The following ATP11C variants were observed in gnomAD, a reference collection of about 807,000 sequenced individuals.
ATP11C encodes phospholipid-transporting ATPase IG.
ATP11C carries 36 observed loss-of-function variants against 97.4 expected under a neutral mutation model. That is an observed-to-expected ratio of 0.37 (90% CI 0.28 to 0.49). The LOEUF (loss-of-function observed/expected upper bound fraction) is 0.49, where lower values mean the gene tolerates loss of function less well. ATP11C is among the 20% of genes least tolerant of loss of function. ATP11C has a pLI of 0.98. For synonymous variants in ATP11C, 275 were observed against 290.9 expected (o/e 0.95, Z 0.56); for missense variants, 730 against 824.6 (o/e 0.89, Z 1.40).
chrX:139,849,353 T>TA (rs1014103592), intron 1 of ATP11C, among the ~76,000 whole-genome samples: 5 of 111,001 alleles, frequency 4.5e-5, no homozygotes, highest in African/African-American at 6.6e-5. Flanking sequence ...TATTTTCCTT[T>TA]AAAAAAAACT....
At chrX:139,795,373 A>G (rs1203664439) in intron 12 of ATP11C, among the ~76,000 whole-genome samples, 2 of 111,653 alleles carry the variant, frequency 1.8e-5, no homozygotes, top group Non-Finnish European at 3.8e-5. Flanking sequence ...GAGAGGCCTA[A>G]AGCCAGGAAG....
At chrX:139,820,827 C>T (rs967427282) in intron 2 of ATP11C, among the ~76,000 whole-genome samples, 22 of 111,113 alleles carry the variant, frequency 2.0e-4, no homozygotes, top group African/African-American at 7.2e-4. Context: ...CTAGTAAGAC[C>T]AGAAACTAGA....
At position 139,804,523 on chromosome X, in the gene ATP11C, T is replaced by A. The variant is rs780307263; in HGVS notation, c.503A>T (p.Asp168Val). Residue 168 changes from aspartate (D) to valine (V), a missense_variant, in exon 6 of 30, where the codon GAT becomes GTT. By Grantham distance (152) the Asp-to-Val change is radical. Coordinates refer to ENST00000682941, the MANE Select transcript of ATP11C (RefSeq NM_001353812.2). ...GGCTGTAGTGACATAACAGGTTCCATCAGTGGTGCAAGATGATAGAAGAAT... is the reference window on the plus strand; with the variant it reads ...GGCTGTAGTGACATAACAGGTTCCAACAGTGGTGCAAGATGATAGAAGAAT... ...DLILLSSCTT[D>V]GTCYVTTASL... 3.1e-5 allele frequency: 37 copies of A among 1,203,752 alleles called. No individual in the cohort carries two copies. The highest frequency in any genetic ancestry group is 3.8e-5 in the Non-Finnish European group (34 of 888,900).
chrX:139,735,711 C>T (rs989676169), intron 28 of ATP11C, among the ~76,000 whole-genome samples: 3 of 110,418 alleles, frequency 2.7e-5, no homozygotes, highest in African/African-American at 6.6e-5. Flanking sequence ...CCATGGCTGC[C>T]ATGTTGCAGT....
chrX:139,922,135 G>C (rs1250158240), intron 1 of ATP11C, among the ~76,000 whole-genome samples: 1 of 102,490 alleles, frequency 9.8e-6, no homozygotes, highest in Non-Finnish European at 2.0e-5. Context: ...AACCCAGGAG[G>C]CAGAGGTTGC....
At position 139,745,711 on chromosome X, in the gene ATP11C, G is replaced by T; in HGVS notation, c.2964+11C>A. The T allele has an allele frequency of 8.4e-7, 1 of 1,197,099 alleles. No homozygotes were observed. The highest frequency in any genetic ancestry group is 1.1e-6 in the Non-Finnish European group (1 of 889,864). ...ATAATACCAAAAGATGTAATGACAG[G>T]TTCTTTTTACCTTTCCATTTTCTTC... On this transcript the variant is annotated intron_variant, in intron 25 of 29. Coordinates refer to ENST00000682941, the MANE Select transcript of ATP11C (RefSeq NM_001353812.2).
chrX:139,908,704 G>A (rs1285214381), intron 1 of ATP11C, among the ~76,000 whole-genome samples: 1 of 112,112 alleles, frequency 8.9e-6, no homozygotes, highest in Non-Finnish European at 1.9e-5. Context: ...TTCTATTTAT[G>A]GGGCTATAAA....
chrX:139,795,371 T>C (rs1939199660), intron 12 of ATP11C, among the ~76,000 whole-genome samples: 1 of 111,519 alleles, frequency 9.0e-6, no homozygotes, highest in South Asian at 3.8e-4. Flanking sequence ...CGGAGAGGCC[T>C]AAAGCCAGGA....
chrX:139,790,169 C>G (rs148619887), intron 12 of ATP11C, among the ~76,000 whole-genome samples: 341 of 110,915 alleles, frequency 3.1e-3, no homozygotes, highest in Non-Finnish European at 4.4e-3. Flanking sequence ...CCTCAAACTT[C>G]TTGGCTCAAG....
upstream of ATP11C, among the ~76,000 whole-genome samples, chrX:139,936,018 G>C (rs1443317564): frequency 9.0e-6 from 1 of 110,564 alleles, no homozygotes; most frequent in African/African-American, 3.3e-5. Context: ...ATGCAATTCT[G>C]GGGGCAGGAT....
chrX:139,843,568 T>C (rs1358271615), intron 1 of ATP11C, among the ~76,000 whole-genome samples: 1 of 111,860 alleles, frequency 8.9e-6, no homozygotes. Flanking sequence ...CCTTTTTTCA[T>C]AGAGCATGGC....
rs960802165 is a variant in ATP11C, at chrX:139,931,819, G to A, written c.27+197C>T. Among the ~76,000 whole-genome samples, 3 of 110,801 alleles carry A rather than the reference G, an allele frequency of 2.7e-5. No homozygotes were observed. In the Admixed American group the frequency reaches 2.8e-4, roughly 11 times the overall value. ...TGGTCGAATTGTCCTGGGGGCGAGG[G>A]TGGGATACCCCGAGAGCCCTACCTG... On this transcript the variant is annotated intron_variant, in intron 1 of 29. Coordinates refer to ENST00000682941, the MANE Select transcript of ATP11C (RefSeq NM_001353812.2).
At chrX:139,855,424 A>C (rs2084073657) in intron 1 of ATP11C, among the ~76,000 whole-genome samples, 2 of 111,555 alleles carry the variant, frequency 1.8e-5, no homozygotes, top group Admixed American at 1.9e-4. Context: ...GGTGAAAAGA[A>C]GGAAAACTCG....
chrX:139,927,027 A>G (rs751031456), intron 1 of ATP11C, among the ~76,000 whole-genome samples: 1 of 112,356 alleles, frequency 8.9e-6, no homozygotes, highest in Admixed American at 9.4e-5. Flanking sequence ...TGTACAATCT[A>G]TTTTTAGTAG....
intron 1 of ATP11C, among the ~76,000 whole-genome samples, chrX:139,856,317 T>A (rs1315001920): frequency 8.9e-6 from 1 of 112,823 alleles, no homozygotes; most frequent in African/African-American, 3.2e-5. Flanking sequence ...CCAGCTTCCG[T>A]CTCCCAACAC....
intron 6 of ATP11C, among the ~76,000 whole-genome samples, chrX:139,802,897 C>G (rs1378461011): frequency 8.9e-6 from 1 of 111,734 alleles, no homozygotes; most frequent in Non-Finnish European, 1.9e-5. Flanking sequence ...GATGACGTGT[C>G]TTGCATTAGT....
chrX:139,842,623 T>C, intron 1 of ATP11C, among the ~76,000 whole-genome samples: 1 of 112,276 alleles, frequency 8.9e-6, no homozygotes, highest in Non-Finnish European at 1.9e-5. Context: ...GCTAAGTAAA[T>C]ACAGAAGAAA....
At chrX:139,880,557 G>A (rs962816581) in intron 1 of ATP11C, among the ~76,000 whole-genome samples, 2 of 111,139 alleles carry the variant, frequency 1.8e-5, no homozygotes, top group Non-Finnish European at 3.8e-5. Flanking sequence ...GGAGGAAGAT[G>A]GTTAAAAGAA....
At chrX:139,806,498 T>C (rs781072345) in intron 5 of ATP11C, among the ~76,000 whole-genome samples, 15 of 112,038 alleles carry the variant, frequency 1.3e-4, no homozygotes, top group Admixed American at 5.7e-4. Flanking sequence ...ACAGGACAGA[T>C]GAACTGTTTC....
Sources: gnomAD v4.1 joint callset for allele counts (sites outside exome capture counted in the v4.1 genomes callset) on GRCh38, gnomAD v4.1.1 for gene constraint, MANE v1.5 for transcripts, NCBI Gene and HGNC (gene_info 2026-07-23, HGNC 2026-07-21) for gene names.